CSMD1: variants seen among roughly 807,000 people sequenced by gnomAD.
The protein encoded by CSMD1 is CUB and Sushi multiple domains 1.
In CSMD1, 213 loss-of-function variants were observed where a neutral mutation model predicts 417.5. That is an observed-to-expected ratio of 0.51 (90% CI 0.46 to 0.57). The LOEUF (loss-of-function observed/expected upper bound fraction) is 0.57. Among genes scored for constraint, CSMD1 ranks in the 20% least tolerant of loss-of-function variants. The probability of loss-of-function intolerance (pLI) is 0.00; values close to 1 mark genes in which losing one functional copy is unlikely to be tolerated. For missense variants in CSMD1, 6,923 were observed against 4,529.7 expected (o/e 1.53, Z -15.17); for synonymous variants, 2,862 against 1,736.8 (o/e 1.65, Z -16.11).
At chr8:4,541,254 AG>A (rs1797370994) in intron 2 of CSMD1, among the ~76,000 whole-genome samples, 1 of 152,210 alleles carries the variant, frequency 6.6e-6, no homozygotes, top group Non-Finnish European at 1.5e-5. Context: ...AGAGTGAGCC[AG>A]TTCGTCTCTC....
rs532244036 is a variant in CSMD1 at position 3,712,394 on chromosome 8, G to C, written c.932-3903C>G. The stretch of plus-strand genomic sequence containing the variant: ...GAAACAGGAGAGAGAGAGAGAGAGA[G>C]AGAGAGACAGACAGACAGACAGACA... On this transcript the variant is annotated intron_variant, in intron 6 of 69. Coordinates refer to ENST00000635120, the MANE Select transcript of CSMD1 (RefSeq NM_033225.6). Among the ~76,000 whole-genome samples the C allele has an allele frequency of 7.0e-3, 547 of 78,430 alleles. 6 individuals are homozygous for C. The highest frequency in any genetic ancestry group is 0.024 in the African/African-American group (512 of 21,086). 51.5% of individuals were successfully genotyped at this position (78,430 alleles called of 152,430 possible).
chr8:4,639,029 C>G (rs999130859), intron 1 of CSMD1, among the ~76,000 whole-genome samples: 9 of 152,186 alleles, frequency 5.9e-5, no homozygotes, highest in African/African-American at 2.2e-4. Context: ...AGATTAGTAA[C>G]AGCTGCACAC....
At position 3,230,086 on chromosome 8, in the gene CSMD1, C is replaced by A. The variant is rs775047605; in HGVS notation, c.4299G>T (p.Gln1433His). The A allele has an allele frequency of 5.6e-6, 9 of 1,612,558 alleles. No individual in the cohort carries two copies. The highest frequency in any genetic ancestry group is 1.7e-5 in the Admixed American group (1 of 59,726). The stretch of plus-strand genomic sequence containing the variant: ...GTTGCCAAAAGAACCGGTTATTCAG[C>A]TGCACACAGGTGATTTTGGCTTGTC... ...LQGQAKITCV[Q>H]LNNRFFWQPD... The change falls in exon 27 of 70, where the codon CAG (glutamine) becomes CAT (histidine). Residue 1433 changes from glutamine (Q) to histidine (H), a missense_variant. Coordinates refer to ENST00000635120, the MANE Select transcript of CSMD1 (RefSeq NM_033225.6).
chr8:3,036,602 C>T (rs901225641), intron 50 of CSMD1, among the ~76,000 whole-genome samples: 2 of 152,098 alleles, frequency 1.3e-5, no homozygotes, highest in African/African-American at 4.8e-5. Flanking sequence ...GCTTACTGGA[C>T]ACGCGAGAGA....
At chr8:4,547,425 C>T (rs73182980) in intron 2 of CSMD1, among the ~76,000 whole-genome samples, 28,602 of 152,150 alleles carry the variant, frequency 0.19, 2,750 homozygotes, top group Middle Eastern at 0.25. Context: ...GAAAATACAA[C>T]TTCCTAGCAT....
intron 21 of CSMD1, among the ~76,000 whole-genome samples, chr8:3,354,799 C>CTT (rs2117679863): frequency 9.8e-6 from 1 of 101,854 alleles, no homozygotes; most frequent in South Asian, 4.4e-4. Flanking sequence ...TATCACTAAA[C>CTT]TCTCTCTCTC....
intron 33 of CSMD1, among the ~76,000 whole-genome samples, chr8:3,195,082 C>A (rs773813505): frequency 6.6e-6 from 1 of 152,110 alleles, no homozygotes; most frequent in Non-Finnish European, 1.5e-5. Flanking sequence ...CTGGAAGGAA[C>A]TGAAAGCAGC....
At chr8:4,661,352 T>C (rs533663272) in intron 1 of CSMD1, among the ~76,000 whole-genome samples, 1 of 152,310 alleles carries the variant, frequency 6.6e-6, no homozygotes, top group Non-Finnish European at 1.5e-5. Flanking sequence ...TGGATACATC[T>C]TTAGAGAACT....
chr8:3,803,282 A>C (rs1406369979), intron 5 of CSMD1, among the ~76,000 whole-genome samples: 2 of 152,182 alleles, frequency 1.3e-5, no homozygotes, highest in African/African-American at 2.4e-5. Context: ...CATTGCATAA[A>C]GTTGACGGTT....
At chr8:4,965,162 G>C (rs1419128993) in intron 1 of CSMD1, among the ~76,000 whole-genome samples, 15 of 152,158 alleles carry the variant, frequency 9.9e-5, no homozygotes, top group Admixed American at 7.9e-4. Flanking sequence ...ATAGCATACA[G>C]ATATCATGAG....
chr8:4,186,004 G>C (rs1798654984), intron 3 of CSMD1, among the ~76,000 whole-genome samples: 1 of 152,148 alleles, frequency 6.6e-6, no homozygotes, highest in Non-Finnish European at 1.5e-5. Context: ...GTTTTGTTAT[G>C]ATCTGATACA....
In CSMD1 at chr8:3,992,165, A is replaced by G. The variant is rs561392473; in HGVS notation, c.818+5738T>C. Among the ~76,000 whole-genome samples, 8 of 150,942 alleles carry G rather than the reference A, an allele frequency of 5.3e-5. No homozygotes were observed. The South Asian group carries it at 1.5e-3, about 27-fold the overall frequency. On this transcript the variant is annotated intron_variant, in intron 5 of 69. Transcript: ENST00000635120. Reference sequence around the variant, plus strand: ...ATGTACATATATTATATATATTTTTATTGTTAGATATATATAAATATATTT... The same window carrying G: ...ATGTACATATATTATATATATTTTTGTTGTTAGATATATATAAATATATTT...
chr8:3,730,272 C>A (rs1349082403), intron 6 of CSMD1, among the ~76,000 whole-genome samples: 1 of 151,936 alleles, frequency 6.6e-6, no homozygotes, highest in East Asian at 1.9e-4. Context: ...CACATGGAGC[C>A]CCTTGGATGC....
intron 1 of CSMD1, among the ~76,000 whole-genome samples, chr8:4,819,279 T>A (rs1585153636): frequency 6.6e-6 from 1 of 152,274 alleles, no homozygotes; most frequent in African/African-American, 2.4e-5. Context: ...ACCTCATCAT[T>A]AAAAACTTGT....
chr8:3,881,414 T>C (rs1343172735), intron 5 of CSMD1, among the ~76,000 whole-genome samples: 2 of 151,570 alleles, frequency 1.3e-5, no homozygotes, highest in East Asian at 3.9e-4. Context: ...GGCAGGCAGA[T>C]CACAAGGTTA....
intron 18 of CSMD1, among the ~76,000 whole-genome samples, chr8:3,379,894 C>A (rs11987119): frequency 0.2 from 30,228 of 152,022 alleles, 3,108 homozygotes; most frequent in African/African-American, 0.26. Context: ...CCAAAATAGA[C>A]AAATGGGATA....
rs143663393 is a variant in CSMD1 at position 4,234,650 on chromosome 8, C to T, written c.415+185303G>A. Among the ~76,000 whole-genome samples the T allele has an allele frequency of 4.8e-3, 733 of 152,198 alleles. 4 individuals are homozygous for T. The highest frequency in any genetic ancestry group is 0.016 in the African/African-American group (660 of 41,546). ...CTAGGACATGGAAGATTGCACCTGA[C>T]GAATAGATGGCAGGTGCTAAATAAA... is the stretch of plus-strand genomic sequence containing the variant. On this transcript the variant is annotated intron_variant, in intron 3 of 69. Transcript: ENST00000635120.
chr8:4,632,860 G>A (rs576086377), intron 2 of CSMD1, among the ~76,000 whole-genome samples: 8 of 152,252 alleles, frequency 5.3e-5, no homozygotes, highest in Middle Eastern at 3.4e-3. Flanking sequence ...GGGAGAGGCC[G>A]GGAATAAGAG....
At chr8:4,845,534 C>A (rs1283930971) in intron 1 of CSMD1, among the ~76,000 whole-genome samples, 3 of 152,236 alleles carry the variant, frequency 2.0e-5, no homozygotes, top group Admixed American at 6.5e-5. Context: ...ATTTTGGCCA[C>A]TGTTGAACTT....
Sources: gnomAD v4.1 joint callset for allele counts (sites outside exome capture counted in the v4.1 genomes callset) on GRCh38, gnomAD v4.1.1 for gene constraint, MANE v1.5 for transcripts, NCBI Gene and HGNC (gene_info 2026-07-23, HGNC 2026-07-21) for gene names.